Variants in CYP39A1 observed in about 807,000 individuals in gnomAD.
CYP39A1 encodes cytochrome P450 family 39 subfamily A member 1, also known as 24-hydroxycholesterol 7-alpha-hydroxylase.
A neutral mutation model predicts 58.1 loss-of-function variants in CYP39A1; 49 were observed. The observed-to-expected ratio is 0.84, with a 90% CI of 0.67 to 1.07. CYP39A1 has a LOEUF of 1.07. CYP39A1 is among the 50% of genes least tolerant of loss of function. The probability of loss-of-function intolerance (pLI) is 0.00; values close to 1 mark genes in which losing one functional copy is unlikely to be tolerated. For missense variants in CYP39A1, 531 were observed against 539.4 expected, an observed-to-expected ratio of 0.98 and a Z score of 0.16; for synonymous variants, 209 against 187.6, an observed-to-expected ratio of 1.11 and a Z score of -0.93.
At chr6:46,641,627 A>G (rs1259863583) in intron 2 of CYP39A1, among the ~76,000 whole-genome samples, 1 of 152,258 alleles carries the variant, frequency 6.6e-6, no homozygotes, top group South Asian at 2.1e-4. Context: ...GCAGACAGCC[A>G]TACTGGAAGC....
chr6:46,608,691 T>G (rs1004174483), intron 7 of CYP39A1, among the ~76,000 whole-genome samples: 1 of 152,180 alleles, frequency 6.6e-6, no homozygotes, highest in African/African-American at 2.4e-5. Context: ...CTCGGCTGAT[T>G]GCAACCTCCG....
chr6:46,627,062 A>G (rs1256150574), intron 6 of CYP39A1, among the ~76,000 whole-genome samples: 1 of 152,184 alleles, frequency 6.6e-6, no homozygotes, highest in Non-Finnish European at 1.5e-5. Flanking sequence ...AGCAAGGCAC[A>G]TCTTACACGG....
At chr6:46,623,758 C>T (rs933978435) in intron 7 of CYP39A1, among the ~76,000 whole-genome samples, 7 of 151,982 alleles carry the variant, frequency 4.6e-5, no homozygotes, top group African/African-American at 1.7e-4. Context: ...TGGATATCTT[C>T]CTTGATATCA....
At chr6:46,637,406 CA>C (rs1209649822) in intron 4 of CYP39A1, among the ~76,000 whole-genome samples, 1 of 152,212 alleles carries the variant, frequency 6.6e-6, no homozygotes, top group African/African-American at 2.4e-5. Context: ...CCTCATTTTA[CA>C]AACATTTGTC....
chr6:46,604,244 C>T lies in CYP39A1; in HGVS notation c.932-8124G>A, dbSNP rs936700309. On this transcript the variant is annotated intron_variant, in intron 7 of 11. Coordinates refer to ENST00000275016, the MANE Select transcript of CYP39A1 (RefSeq NM_016593.5). The stretch of plus-strand genomic sequence containing the variant: ...ATATTCACTCTTTTCTAAAACTGAT[C>T]TGTTGAATAAAAGACTGTGGCCCAA... 3.3e-5 allele frequency among the ~76,000 whole-genome samples: 5 copies of T among 152,212 alleles called. No individual in the cohort carries two copies. The East Asian group carries it at 9.6e-4, about 29-fold the overall frequency.
At chr6:46,621,180 A>G (rs1774934563) in intron 7 of CYP39A1, among the ~76,000 whole-genome samples, 2 of 151,830 alleles carry the variant, frequency 1.3e-5, no homozygotes, top group South Asian at 2.1e-4. Context: ...TCACAGAGGA[A>G]AAAAAGGAAT....
chr6:46,580,075 G>A (rs1186203802), intron 10 of CYP39A1, among the ~76,000 whole-genome samples: 1 of 152,070 alleles, frequency 6.6e-6, no homozygotes, highest in Non-Finnish European at 1.5e-5. Context: ...GACAAAGCTA[G>A]ACACATCACA....
In CYP39A1 at chr6:46,588,067, T is replaced by G; in HGVS notation, c.1128A>C (p.Pro376=). Residue 376 remains proline (P), a synonymous_variant, in exon 9 of 12, where the codon CCA becomes CCC. Transcript: ENST00000275016. ...ACAATTCAGGCTCAGGAAAATACTT[T>G]GGATTTCTATGCAGCCAAAATGGAG... ...MLSPFWLHRN[P]KYFPEPELFK... The G allele has an allele frequency of 6.3e-7, 1 of 1,591,252 alleles. No individual in the cohort carries two copies.
Position 46,567,670 on chromosome 6 carries a change from G to A in CYP39A1, c.1251-13816C>T, listed in dbSNP as rs928577256. Reference sequence around the variant, plus strand: ...TTACGGTAGTCATTCTAATGGATATGCCAACTCAAAAATATATAGAGATGA... The same window carrying A: ...TTACGGTAGTCATTCTAATGGATATACCAACTCAAAAATATATAGAGATGA... On this transcript the variant is annotated intron_variant, in intron 10 of 11. Transcript: ENST00000275016. Among the ~76,000 whole-genome samples the A allele has an allele frequency of 2.6e-5, 4 of 152,172 alleles. No individual in the cohort carries two copies. In the South Asian group the frequency reaches 8.3e-4, roughly 32 times the overall value.
chr6:46,589,218 C>T (rs1315917757), intron 8 of CYP39A1, among the ~76,000 whole-genome samples: 1 of 151,978 alleles, frequency 6.6e-6, no homozygotes, highest in African/African-American at 2.4e-5. Context: ...TTTGGGAGGC[C>T]TTGGTCGGAG....
At chr6:46,608,873 C>G (rs1013039914) in intron 7 of CYP39A1, among the ~76,000 whole-genome samples, 6 of 151,920 alleles carry the variant, frequency 3.9e-5, no homozygotes, top group South Asian at 2.1e-4. Flanking sequence ...CTCGGCCTCC[C>G]AAAGTGCTGG....
rs113876015 is a variant in CYP39A1 at position 46,556,408 on chromosome 6, A to G, written c.1251-2554T>C. ...AAGGAGTTTCACAGAAAGAGAGCGC[A>G]CAAGAGTATTCCAGGGATCTAGATA... On this transcript the variant is annotated intron_variant, in intron 10 of 11. Coordinates refer to ENST00000275016, the MANE Select transcript of CYP39A1 (RefSeq NM_016593.5). 2.6e-3 allele frequency among the ~76,000 whole-genome samples: 389 copies of G among 152,314 alleles called. 2 individuals are homozygous for G. The highest frequency in any genetic ancestry group is 9.0e-3 in the African/African-American group (376 of 41,568).
Position 46,588,018 on chromosome 6 carries a change from G to A in CYP39A1, c.1161+16C>T, listed in dbSNP as rs201428193. 1.0e-5 allele frequency: 15 copies of A among 1,430,570 alleles called. No individual in the cohort carries two copies. The highest frequency in any genetic ancestry group is 1.3e-5 in the Non-Finnish European group (13 of 1,036,926). 88.6% of individuals were successfully genotyped at this position (1,430,570 alleles called of 1,614,324 possible). A position where few individuals can be genotyped will look rare whatever the true frequency, so the allele number is the denominator to read the frequency against. On this transcript the variant is annotated intron_variant, in intron 9 of 11. Transcript: ENST00000275016. ...TTAAAATGAAAGAATAATATATACT[G>A]AAAGAGATAACTTACAGGTTTGAAC...
chr6:46,595,880 G>T, intron 8 of CYP39A1, 107 bp downstream of exon 8: 1 of 1,063,890 alleles, frequency 9.4e-7, no homozygotes, highest in Non-Finnish European at 1.4e-6. Flanking sequence ...ATATTTATTT[G>T]TCAAGTAAAA....
chr6:46,583,453 C>T (rs114917036), intron 10 of CYP39A1: 20 of 985,314 alleles, frequency 2.0e-5, no homozygotes, highest in East Asian at 1.1e-4. Context: ...GAAAACCCTC[C>T]GTCTTATTCC....
chr6:46,646,580 A>G, intron 1 of CYP39A1, among the ~76,000 whole-genome samples: 1 of 152,248 alleles, frequency 6.6e-6, no homozygotes, highest in Middle Eastern at 3.4e-3. Flanking sequence ...GCTTCATAAA[A>G]TAGACTGGGA....
chr6:46,648,020 T>C (rs570464791), intron 1 of CYP39A1, among the ~76,000 whole-genome samples: 4 of 152,180 alleles, frequency 2.6e-5, no homozygotes, highest in Non-Finnish European at 5.9e-5. Context: ...CAACAGGTGC[T>C]GGAGAGCATG....
At chr6:46,609,177 G>A (rs887197688) in intron 7 of CYP39A1, among the ~76,000 whole-genome samples, 3 of 151,860 alleles carry the variant, frequency 2.0e-5, no homozygotes, top group East Asian at 4.0e-4. Context: ...CGAGGTGGGC[G>A]GATTACGAGG....
chr6:46,583,909 A>T (rs1190931422), intron 10 of CYP39A1, among the ~76,000 whole-genome samples: 1 of 152,134 alleles, frequency 6.6e-6, no homozygotes, highest in African/African-American at 2.4e-5. Context: ...TTCATGATGA[A>T]CTTTGATCAT....
Sources: gnomAD v4.1 joint callset for allele counts (sites outside exome capture counted in the v4.1 genomes callset) on GRCh38, gnomAD v4.1.1 for gene constraint, MANE v1.5 for transcripts, NCBI Gene and HGNC (gene_info 2026-07-23, HGNC 2026-07-21) for gene names.